The following IRAK1BP1 variants were observed in gnomAD, a reference collection of about 807,000 sequenced individuals.
IRAK1BP1 encodes interleukin 1 receptor associated kinase 1 binding protein 1.
Under a neutral mutation model 28.0 loss-of-function variants are expected in IRAK1BP1, and 24 were observed. The ratio of observed to expected loss-of-function variants is 0.86; its 90% CI spans 0.62 to 1.20. IRAK1BP1 has a LOEUF of 1.20. Among genes scored for constraint, IRAK1BP1 ranks in the 50% most tolerant of loss-of-function variants. The pLI, the probability that IRAK1BP1 is intolerant of heterozygous loss-of-function variation, is 0.00. For synonymous variants in IRAK1BP1, 131 were observed against 116.3 expected, an observed-to-expected ratio of 1.13 and a Z score of -0.81; for missense variants, 336 against 316.7, an observed-to-expected ratio of 1.06 and a Z score of -0.46.
Position 78,892,060 on chromosome 6 carries a change from C to A in IRAK1BP1, c.382-5769C>A, listed in dbSNP as rs553046076. 5.9e-5 allele frequency among the ~76,000 whole-genome samples: 9 copies of A among 152,232 alleles called. No homozygotes were observed. In the East Asian group the frequency reaches 1.2e-3, roughly 20 times the overall value. ...TAAGCCAAAATTGACTCACTAGTAG[C>A]CATCTATTAGTGTACCTCTGTAAGA... On this transcript the variant is annotated intron_variant, in intron 2 of 3. Transcript: ENST00000369940.
chr6:78,978,795 ATAAT>A, the IRAK1BP1 span: 4 of 1,107,472 alleles, frequency 3.6e-6, no homozygotes, highest in Admixed American at 2.2e-5. Flanking sequence ...AACTATAAAG[ATAAT>A]TAAATAAAAG....
chr6:78,959,835 C>A, the IRAK1BP1 span, among the ~76,000 whole-genome samples: 1 of 152,060 alleles, frequency 6.6e-6, no homozygotes, highest in Non-Finnish European at 1.5e-5. Flanking sequence ...TCCTGATAAA[C>A]CCACTGTAAA....
intron 4 of IRAK1BP1, among the ~76,000 whole-genome samples, chr6:78,918,578 T>A (rs1198369236): frequency 4.3e-3 from 286 of 66,758 alleles, no homozygotes; most frequent in East Asian, 6.4e-3. Flanking sequence ...CCAAAAACAG[T>A]AAAAAAAAAA....
intron 4 of IRAK1BP1, among the ~76,000 whole-genome samples, chr6:78,920,887 T>A (rs189740355): frequency 6.6e-6 from 1 of 152,270 alleles, no homozygotes; most frequent in East Asian, 1.9e-4. Flanking sequence ...AAACTATGCA[T>A]CTGAAAAAGT....
At chr6:78,920,064 G>C (rs1772680409) in intron 4 of IRAK1BP1, among the ~76,000 whole-genome samples, 2 of 152,220 alleles carry the variant, frequency 1.3e-5, no homozygotes, top group Middle Eastern at 6.8e-3. Context: ...GACCATCCTG[G>C]CCAACATGGT....
chr6:78,935,443 T>TTGCA (rs1773240403), intron 4 of IRAK1BP1: 1 of 923,212 alleles, frequency 1.1e-6, no homozygotes, highest in Non-Finnish European at 1.3e-6. Flanking sequence ...CTTCTTTCCA[T>TTGCA]CATTCCTTTT....
At chr6:78,883,904 G>T (rs962065496) in intron 1 of IRAK1BP1, among the ~76,000 whole-genome samples, 1 of 151,984 alleles carries the variant, frequency 6.6e-6, no homozygotes, top group Non-Finnish European at 1.5e-5. Flanking sequence ...TAGCTGTCTC[G>T]GTTATCAGAG....
the IRAK1BP1 span, among the ~76,000 whole-genome samples, chr6:78,973,950 AACATTAG>A: frequency 1.3e-5 from 2 of 152,088 alleles, no homozygotes; most frequent in African/African-American, 4.8e-5. Context: ...CCCCACTGTC[AACATTAG>A]ACAGATCAAC....
chr6:78,975,134 G>A, the IRAK1BP1 span, among the ~76,000 whole-genome samples: 2 of 151,650 alleles, frequency 1.3e-5, no homozygotes, highest in African/African-American at 2.4e-5. Flanking sequence ...ATAAAATACT[G>A]GCAAACCGAA....
At chr6:78,894,358 A>G (rs1407500757) in intron 2 of IRAK1BP1, among the ~76,000 whole-genome samples, 1 of 152,156 alleles carries the variant, frequency 6.6e-6, no homozygotes, top group African/African-American at 2.4e-5. Flanking sequence ...ATATGAAGAC[A>G]TATGTTGGTT....
rs201939458 is a variant in IRAK1BP1, at chr6:78,897,958, C to T, written c.511C>T (p.Arg171Ter). 1.9e-5 allele frequency: 30 copies of T among 1,613,640 alleles called. No homozygotes were observed. Among genetic ancestry groups the T allele is most frequent in the South Asian group, 3.3e-5 (3 of 91,028 alleles). The change falls in exon 3 of 4, where the codon CGA becomes TGA. Residue 171 changes from arginine to a stop codon, truncating the protein, a stop_gained and splice_region_variant. Transcript: ENST00000369940. LOFTEE classifies it high-confidence loss of function. ...TACTCCAGGTTCTGTTGAGAATCTT[C>T]GGTAAGTTTAAGCACATCTTTAACT... ...YHTPGSVENL[R>*]RQACLVAVEN...
At chr6:78,868,376 C>T (rs113236397) in intron 1 of IRAK1BP1, among the ~76,000 whole-genome samples, 61 of 152,302 alleles carry the variant, frequency 4.0e-4, no homozygotes, top group African/African-American at 1.4e-3. Flanking sequence ...GTTCCGCAAA[C>T]AGTAACGTTG....
At chr6:78,968,446 G>A in the IRAK1BP1 span, among the ~76,000 whole-genome samples, 96 of 152,228 alleles carry the variant, frequency 6.3e-4, 1 homozygote, top group South Asian at 8.1e-3. Flanking sequence ...AGTATTAGTG[G>A]GATGTGAAAT....
chr6:78,873,069 A>G (rs1156646901), intron 1 of IRAK1BP1, among the ~76,000 whole-genome samples: 1 of 151,886 alleles, frequency 6.6e-6, no homozygotes, highest in Non-Finnish European at 1.5e-5. Flanking sequence ...CAGCCTAGCT[A>G]ACACGGTGAA....
chr6:78,927,211 T>A (rs1173448011), intron 4 of IRAK1BP1, among the ~76,000 whole-genome samples: 1 of 152,184 alleles, frequency 6.6e-6, no homozygotes, highest in Non-Finnish European at 1.5e-5. Flanking sequence ...CAACATTTGT[T>A]ATTGCCTGTC....
intron 4 of IRAK1BP1, among the ~76,000 whole-genome samples, chr6:78,916,344 G>GGTCT (rs1268054421): frequency 1.3e-5 from 2 of 151,914 alleles, no homozygotes; most frequent in Non-Finnish European, 2.9e-5. Context: ...TCCTCTTGGT[G>GGTCT]GTCTGTACAC....
chr6:78,920,479 C>T (rs1216862636), intron 4 of IRAK1BP1, among the ~76,000 whole-genome samples: 2 of 152,152 alleles, frequency 1.3e-5, no homozygotes, highest in Non-Finnish European at 2.9e-5. Context: ...ATGCCACACA[C>T]CTACAGTCAT....
At chr6:78,924,381 C>G (rs1004264297) in intron 4 of IRAK1BP1, among the ~76,000 whole-genome samples, 3 of 152,038 alleles carry the variant, frequency 2.0e-5, no homozygotes, top group African/African-American at 7.2e-5. Context: ...AAGTTGAATC[C>G]CTGAATAGAG....
chr6:78,971,004 C>G, the IRAK1BP1 span: 3 of 661,292 alleles, frequency 4.5e-6, no homozygotes, highest in South Asian at 5.8e-5. Context: ...AATAGAAATT[C>G]TAATATTTTC....
Sources: allele counts gnomAD v4.1 joint callset (sites outside exome capture counted in the v4.1 genomes callset), GRCh38; gene constraint gnomAD v4.1.1; transcripts MANE v1.5; gene names NCBI Gene and HGNC (gene_info 2026-07-23, HGNC 2026-07-21).